Variants in SDCBP2 observed in about 807,000 individuals in gnomAD.
The protein encoded by SDCBP2 is syntenin-2.
SDCBP2 carries 28 observed loss-of-function variants against 30.7 expected under a neutral mutation model. That is an observed-to-expected ratio of 0.91 (90% CI 0.68 to 1.25). SDCBP2 has a LOEUF of 1.25. Among genes scored for constraint, SDCBP2 ranks in the 50% most tolerant of loss-of-function variants. The pLI, the probability that SDCBP2 is intolerant of heterozygous loss-of-function variation, is 0.00. For synonymous variants in SDCBP2, 166 were observed against 157.3 expected, an observed-to-expected ratio of 1.06 and a Z score of -0.41; for missense variants, 399 against 379.0, an observed-to-expected ratio of 1.05 and a Z score of -0.44.
intron 1 of SDCBP2, among the ~76,000 whole-genome samples, chr20:1,325,228 AT>A (rs2088902777): frequency 6.6e-6 from 1 of 152,224 alleles, no homozygotes; most frequent in Admixed American, 6.5e-5. Context: ...CGAAATGACT[AT>A]AACCCCTTTC....
At position 1,313,559 on chromosome 20, in the gene SDCBP2, C is replaced by T. The variant is rs2088719756; in HGVS notation, c.226-61G>A. ...CGTGGGGACCCTGTGCCTCAGGAGA[C>T]ACTGGGGTGGGGGTAGGGATGGGGA... On this transcript the variant is annotated intron_variant, in intron 4 of 8. Transcript: ENST00000360779. The surrounding 1 kb of genome is among the most constrained non-coding windows in gnomAD (Gnocchi z 5.2). 6 of 1,496,670 alleles carry T rather than the reference C, an allele frequency of 4.0e-6. No homozygotes were observed. The highest frequency in any genetic ancestry group is 5.3e-6 in the Non-Finnish European group (6 of 1,125,050). The allele number at this position is 1,496,670 out of a possible 1,614,324, so 92.7% of individuals were successfully genotyped here.
chr20:1,326,008 A>G (rs2088920436), intron 1 of SDCBP2: 1 of 152,264 alleles, frequency 6.6e-6, no homozygotes, highest in Non-Finnish European at 1.5e-5. Context: ...AATCAGACCG[A>G]AAGCCTGTTA....
chr20:1,323,396 A>G (rs1471697452), intron 1 of SDCBP2: 3 of 152,178 alleles, frequency 2.0e-5, no homozygotes, highest in Non-Finnish European at 4.4e-5. Flanking sequence ...TCCTGCCCTG[A>G]TTTTCCTAAC....
intron 5 of SDCBP2, 87 bp from the exon 6 acceptor site, chr20:1,312,849 C>T (rs2088699856): frequency 1.4e-6 from 2 of 1,381,710 alleles, no homozygotes. Flanking sequence ...CCTCCTGATA[C>T]TCCAGGAACC....
At position 1,318,642 on chromosome 20, in the gene SDCBP2, T is replaced by C. The variant is rs139691960; in HGVS notation, c.125-224A>G. ...CGAGTCCTCATGCACCACTTTGCTA[T>C]TCAACTCCACTGACTTTATTTGACA... On this transcript the variant is annotated intron_variant, in intron 3 of 8. Coordinates refer to ENST00000360779, the MANE Select transcript of SDCBP2 (RefSeq NM_080489.5). Among the ~76,000 whole-genome samples, 666 of 152,294 alleles carry C rather than the reference T, an allele frequency of 4.4e-3. 3 individuals are homozygous for C. The highest frequency in any genetic ancestry group is 0.015 in the African/African-American group (635 of 41,566).
In SDCBP2 at chr20:1,313,183, C is replaced by G; in HGVS notation, c.384+157G>C. 1.3e-6 allele frequency: 1 copy of G among 789,656 alleles called. No homozygotes were observed. The highest frequency in any genetic ancestry group is 1.7e-5 in the South Asian group (1 of 59,014). The allele number at this position is 789,656 out of a possible 1,614,324, so 48.9% of individuals were successfully genotyped here. A position where few individuals can be genotyped will look rare whatever the true frequency, so the allele number is the denominator to read the frequency against. On this transcript the variant is annotated intron_variant, in intron 5 of 8. Transcript: ENST00000360779. This position sits in a 1 kb window ranked among gnomAD's most constrained non-coding sequence, Gnocchi z 5.2. ...AACCCAGCACCAGCCCCGCCCGGGTCTCGGGGAGGAGGGACTGGGGGCAAG... is the reference window on the plus strand; with the variant it reads ...AACCCAGCACCAGCCCCGCCCGGGTGTCGGGGAGGAGGGACTGGGGGCAAG...
At position 1,310,754 on chromosome 20, in the gene SDCBP2, A is replaced by G. The variant is rs748455414; in HGVS notation, c.824+46T>C. 4 of 1,516,568 alleles carry G rather than the reference A, an allele frequency of 2.6e-6. No individual in the cohort carries two copies. In the African/African-American group the frequency reaches 5.5e-5, roughly 21 times the overall value. 93.9% of individuals were successfully genotyped at this position (1,516,568 alleles called of 1,614,324 possible). On this transcript the variant is annotated intron_variant, in intron 8 of 8. Coordinates refer to ENST00000360779, the MANE Select transcript of SDCBP2 (RefSeq NM_080489.5). ...CCTGGGAGGCCGGGAGGTGAAGGGGATGGCAGAGGAGGGGTGAGGAGGGGT... is the reference window on the plus strand; with the variant it reads ...CCTGGGAGGCCGGGAGGTGAAGGGGGTGGCAGAGGAGGGGTGAGGAGGGGT...
rs983355197 is a variant in SDCBP2 at position 1,313,305 on chromosome 20, C to G, written c.384+35G>C. 1 of 1,598,572 alleles carries G rather than the reference C, an allele frequency of 6.3e-7. No individual in the cohort carries two copies. Among genetic ancestry groups the G allele is most frequent in the South Asian group, 1.1e-5 (1 of 89,586 alleles). On this transcript the variant is annotated intron_variant, in intron 5 of 8. Coordinates refer to ENST00000360779, the MANE Select transcript of SDCBP2 (RefSeq NM_080489.5). This position sits in a 1 kb window ranked among gnomAD's most constrained non-coding sequence, Gnocchi z 5.2. ...GCCTGGCGGGAGAGCGCGTGCAGCTCGAGCTCCTCTTCCCACCCAGCCCCC... is the reference window on the plus strand; with the variant it reads ...GCCTGGCGGGAGAGCGCGTGCAGCTGGAGCTCCTCTTCCCACCCAGCCCCC...
rs537406269 is a variant in SDCBP2 at position 1,310,956 on chromosome 20, C to T, written c.733-65G>A. ...GGACCAGGGGCAACTCTACAGGCCCCTCTGTGGAGGGATCAGCATGGCCAC... is the reference window on the plus strand; with the variant it reads ...GGACCAGGGGCAACTCTACAGGCCCTTCTGTGGAGGGATCAGCATGGCCAC... On this transcript the variant is annotated intron_variant, in intron 7 of 8. Transcript: ENST00000360779. The T allele has an allele frequency of 7.0e-5, 85 of 1,213,494 alleles. No homozygotes were observed. In the African/African-American group the frequency reaches 7.9e-4, roughly 11 times the overall value. The allele number at this position is 1,213,494 out of a possible 1,614,324, so 75.2% of individuals were successfully genotyped here.
At position 1,313,617 on chromosome 20, in the gene SDCBP2, C is replaced by A. The variant is rs2088722349; in HGVS notation, c.226-119G>T. ...ATGGAGCCGTCCCCGGGTCCCCCCA[C>A]GTCCCCAGTCCACGCTTCTCCCCTA... On this transcript the variant is annotated intron_variant, in intron 4 of 8. Coordinates refer to ENST00000360779, the MANE Select transcript of SDCBP2 (RefSeq NM_080489.5). This position sits in a 1 kb window ranked among gnomAD's most constrained non-coding sequence, Gnocchi z 5.2. The A allele has an allele frequency of 2.8e-6, 4 of 1,424,476 alleles. No homozygotes were observed. In the South Asian group the frequency reaches 6.0e-5, roughly 21 times the overall value. 88.2% of individuals were successfully genotyped at this position (1,424,476 alleles called of 1,614,324 possible). A position where few individuals can be genotyped will look rare whatever the true frequency, so the allele number is the denominator to read the frequency against.
chr20:1,318,845 T>C (rs964685146), intron 3 of SDCBP2, among the ~76,000 whole-genome samples: 2 of 152,146 alleles, frequency 1.3e-5, no homozygotes, highest in Admixed American at 6.5e-5. Context: ...GCAAGTACAC[T>C]GAGGAAAGGC....
chr20:1,311,584 G>A lies in SDCBP2; in HGVS notation c.733-693C>T, dbSNP rs148708497. ...ATGTTATCTGGTTATGTGTTTTCTT[G>A]GTTGTTCGAAAATAAATGTGAGAAG... On this transcript the variant is annotated intron_variant, in intron 7 of 8. Transcript: ENST00000360779. Among the ~76,000 whole-genome samples, 510 of 152,268 alleles carry A rather than the reference G, an allele frequency of 3.3e-3. 2 individuals carry two copies. Among genetic ancestry groups the A allele is most frequent in the African/African-American group, 0.011 (462 of 41,550 alleles).
Position 1,324,385 on chromosome 20 carries a change from T to C in SDCBP2, c.-19-3950A>G, listed in dbSNP as rs1206272433. ...TTCCAAGGAACAGATTGGAAATTTA[T>C]GTGGGCATTTTTGGGTGTCACGAGA... On this transcript the variant is annotated intron_variant, in intron 1 of 8. Transcript: ENST00000360779. This position sits in a 1 kb window ranked among gnomAD's most constrained non-coding sequence, Gnocchi z 4.7. 1.3e-5 allele frequency: 2 copies of C among 151,736 alleles called. No individual in the cohort carries two copies. Among genetic ancestry groups the C allele is most frequent in the Non-Finnish European group, 2.9e-5 (2 of 67,932 alleles). 9.4% of individuals were successfully genotyped at this position (151,736 alleles called of 1,614,324 possible).
intron 1 of SDCBP2, among the ~76,000 whole-genome samples, chr20:1,326,611 A>T (rs2088931563): frequency 6.6e-6 from 1 of 152,170 alleles, no homozygotes; most frequent in African/African-American, 2.4e-5. Context: ...ACCTGTACGC[A>T]TGGAGATTGG....
rs368644842 is a variant in SDCBP2 at position 1,312,716 on chromosome 20, A to C, written c.431T>G (p.Val144Gly). Residue 144 changes from valine to glycine, a missense_variant, in exon 6 of 9, where the codon GTG becomes GGG. By Grantham distance (109) the Val-to-Gly change is moderately radical. Transcript: ENST00000360779. ...LVQANTPASL[V>G]GLRFGDQLLQ... ...GAGCTGGTCCCCAAAGCGCAGCCCCACAAGGGATGCAGGGGTGTTGGCCTG... is the reference window on the plus strand; with the variant it reads ...GAGCTGGTCCCCAAAGCGCAGCCCCCCAAGGGATGCAGGGGTGTTGGCCTG... 3.7e-6 allele frequency: 6 copies of C among 1,613,972 alleles called. 1 individual carries two copies. The South Asian group carries it at 6.6e-5, about 18-fold the overall frequency.
At chr20:1,312,830 T>C (rs2088699522) in intron 5 of SDCBP2, 68 bp from the exon 6 acceptor site, 21 of 1,484,762 alleles carry the variant, frequency 1.4e-5, no homozygotes, top group Non-Finnish European at 1.9e-5. Context: ...TCTTCCAACC[T>C]GTTGTTTTCC....
In SDCBP2 at chr20:1,313,461, G is replaced by A; in HGVS notation, c.263C>T (p.Ala88Val). The change falls in exon 5 of 9, where the codon GCA becomes GTA. Residue 88 changes from alanine (A) to valine (V), a missense_variant. Ala to Val is a moderately conservative substitution (Grantham distance 64). Coordinates refer to ENST00000360779, the MANE Select transcript of SDCBP2 (RefSeq NM_080489.5). This position sits in a 1 kb window ranked among gnomAD's most constrained non-coding sequence, Gnocchi z 5.2. ...GCCCAGGCTGTACCCGGTTACCGGT[G>A]CCACCATCTGGCCGGGCCCGGGGCC... ...VSGPGPGQMV[A>V]PVTGYSLGVR... The A allele has an allele frequency of 6.3e-7, 1 of 1,599,718 alleles. No individual in the cohort carries two copies. Among genetic ancestry groups the A allele is most frequent in the Non-Finnish European group, 8.5e-7 (1 of 1,175,522 alleles).
At chr20:1,314,549 A>G (rs998584116) in intron 4 of SDCBP2, among the ~76,000 whole-genome samples, 1 of 148,994 alleles carries the variant, frequency 6.7e-6, no homozygotes, top group African/African-American at 2.5e-5. Context: ...AAAGGAAAAG[A>G]AAAGAAAAGG....
intron 1 of SDCBP2, among the ~76,000 whole-genome samples, chr20:1,327,979 TG>T (rs1044314027): frequency 3.9e-5 from 6 of 152,120 alleles, no homozygotes; most frequent in African/African-American, 1.4e-4. Flanking sequence ...TGTTAGATGG[TG>T]GGAGGCACTG....
Sources: allele counts gnomAD v4.1 joint callset (sites outside exome capture counted in the v4.1 genomes callset), GRCh38; gene constraint gnomAD v4.1.1; non-coding constraint Gnocchi (gnomAD v3.1); transcripts MANE v1.5; gene names NCBI Gene and HGNC (gene_info 2026-07-23, HGNC 2026-07-21).